The following ZFHX3 variants were observed in gnomAD, a reference collection of about 807,000 sequenced individuals.
ZFHX3 encodes the protein zinc finger homeobox 3.
Under a neutral mutation model 279.1 loss-of-function variants are expected in ZFHX3, and 42 were observed. That is an observed-to-expected ratio of 0.15 (90% CI 0.12 to 0.19). The LOEUF (loss-of-function observed/expected upper bound fraction) is 0.19, where lower values mean the gene tolerates loss of function less well. Ranked by LOEUF, ZFHX3 falls within the 10% of genes least tolerant of loss-of-function variation. The pLI is 1.00. For missense variants in ZFHX3, 4,981 were observed against 4,754.0 expected, an observed-to-expected ratio of 1.05 and a Z score of -1.40; for synonymous variants, 2,293 against 1,957.8, an observed-to-expected ratio of 1.17 and a Z score of -4.52.
chr16:73,528,494 G>A (rs1260607587), intron 2 of ZFHX3, among the ~76,000 whole-genome samples: 1 of 152,180 alleles, frequency 6.6e-6, no homozygotes, highest in Admixed American at 6.5e-5. Context: ...TGTCTTCAAG[G>A]AGTTTACAAT....
chr16:73,238,894 A>G (rs956031431), intron 5 of ZFHX3, among the ~76,000 whole-genome samples: 2 of 152,148 alleles, frequency 1.3e-5, no homozygotes, highest in Middle Eastern at 3.4e-3. Context: ...TCCCCTTTCA[A>G]GACTGTTCCA....
rs578090687 is a variant in ZFHX3 at position 73,704,515 on chromosome 16, C to T, written c.-1607-24275G>A. On this transcript the variant is annotated intron_variant, in intron 1 of 17. Transcript: ENST00000641206. Reference sequence around the variant, plus strand: ...AATTTCCAGCATGTTACCCAGACAGCCGCACTGTACTGCACATAAGACACT... The same window carrying T: ...AATTTCCAGCATGTTACCCAGACAGTCGCACTGTACTGCACATAAGACACT... Among the ~76,000 whole-genome samples, 4 of 152,336 alleles carry T rather than the reference C, an allele frequency of 2.6e-5. No homozygotes were observed. In the East Asian group the frequency reaches 7.7e-4, roughly 29 times the overall value.
At chr16:73,521,323 T>A (rs979128178) in intron 2 of ZFHX3, among the ~76,000 whole-genome samples, 2 of 152,212 alleles carry the variant, frequency 1.3e-5, no homozygotes, top group Non-Finnish European at 2.9e-5. Flanking sequence ...AGAATGGAGT[T>A]TGGCACATAA....
At chr16:73,781,784 T>G (rs373889975) in intron 1 of ZFHX3, among the ~76,000 whole-genome samples, 4 of 152,074 alleles carry the variant, frequency 2.6e-5, no homozygotes, top group Non-Finnish European at 4.4e-5. Flanking sequence ...GTCAGGAGTT[T>G]GAGACCAGCC....
chr16:73,198,762 C>A (rs1968207061), intron 5 of ZFHX3, among the ~76,000 whole-genome samples: 1 of 152,126 alleles, frequency 6.6e-6, no homozygotes, highest in Admixed American at 6.6e-5. Flanking sequence ...AGGGCAGAAA[C>A]AAAAGGGGAC....
At chr16:73,116,435 C>G (rs1882968367) in intron 7 of ZFHX3, among the ~76,000 whole-genome samples, 1 of 152,148 alleles carries the variant, frequency 6.6e-6, no homozygotes, top group African/African-American at 2.4e-5. Context: ...AACAAACACT[C>G]CCTACATTGT....
At chr16:73,730,435 C>T (rs1314931388) in intron 1 of ZFHX3, among the ~76,000 whole-genome samples, 1 of 150,824 alleles carries the variant, frequency 6.6e-6, no homozygotes, top group African/African-American at 2.4e-5. Flanking sequence ...AATCCTGTAT[C>T]TCTGTGGACA....
At chr16:72,883,929 T>TA (rs990393889) in intron 4 of ZFHX3, among the ~76,000 whole-genome samples, 21 of 151,840 alleles carry the variant, frequency 1.4e-4, no homozygotes, top group Admixed American at 5.9e-4. Context: ...GCTGATTTTA[T>TA]AAAAACAATA....
intron 1 of ZFHX3, among the ~76,000 whole-genome samples, chr16:73,004,633 T>C (rs1284773296): frequency 1.3e-5 from 2 of 152,114 alleles, no homozygotes; most frequent in Non-Finnish European, 2.9e-5. Context: ...TTTTAAGAGC[T>C]CTTTATATAT....
At chr16:73,465,916 G>A (rs1040518434) in intron 2 of ZFHX3, among the ~76,000 whole-genome samples, 2 of 152,090 alleles carry the variant, frequency 1.3e-5, no homozygotes, top group Admixed American at 6.6e-5. Flanking sequence ...GACAGGCTGC[G>A]AGGGACAACC....
chr16:73,440,965 G>C (rs1749599527), intron 3 of ZFHX3, among the ~76,000 whole-genome samples: 1 of 152,152 alleles, frequency 6.6e-6, no homozygotes, highest in Admixed American at 6.5e-5. Context: ...TAAGTTATTA[G>C]GGAAGAGAGA....
chr16:72,807,672 C>T (rs896324239), intron 7 of ZFHX3: 2 of 152,150 alleles, frequency 1.3e-5, no homozygotes, highest in Non-Finnish European at 2.9e-5. Context: ...TGGGACTGAA[C>T]CGAACTCAAG....
At chr16:73,667,330 C>G (rs935509237) in intron 2 of ZFHX3, among the ~76,000 whole-genome samples, 1 of 152,170 alleles carries the variant, frequency 6.6e-6, no homozygotes, top group Non-Finnish European at 1.5e-5. Context: ...TGAAGGACAC[C>G]TGGACGGTTT....
intron 3 of ZFHX3, among the ~76,000 whole-genome samples, chr16:73,337,542 T>C (rs555696128): frequency 6.6e-6 from 1 of 152,112 alleles, no homozygotes; most frequent in South Asian, 2.1e-4. Flanking sequence ...ATCGCAGCCA[T>C]TGATCACCTT....
rs556640673 is a variant in ZFHX3 at position 73,860,137 on chromosome 16, G to A, written c.-1608+31514C>T. Among the ~76,000 whole-genome samples the A allele has an allele frequency of 5.3e-5, 8 of 152,240 alleles. No individual in the cohort carries two copies. The South Asian group carries it at 1.5e-3, about 28-fold the overall frequency. On this transcript the variant is annotated intron_variant, in intron 1 of 17. Coordinates refer to the ZFHX3 transcript ENST00000641206. ...CATTCTGAAGCGAGACCATCCTGAC[G>A]TGCCCCTCCTCCACCTCCAAAAGCT...
At chr16:73,776,597 G>T (rs1414353072) in intron 1 of ZFHX3, among the ~76,000 whole-genome samples, 2 of 152,128 alleles carry the variant, frequency 1.3e-5, no homozygotes, top group South Asian at 2.1e-4. Context: ...AAATTAGAGG[G>T]GAAATCATAA....
At chr16:73,387,288 A>G (rs1056863554) in intron 3 of ZFHX3, 1 of 152,186 alleles carries the variant, frequency 6.6e-6, no homozygotes, top group Non-Finnish European at 1.5e-5. Context: ...CATTGTGGAA[A>G]TTTCACATTT....
At chr16:72,895,389 G>C (rs898195353) in intron 3 of ZFHX3, among the ~76,000 whole-genome samples, 1 of 152,176 alleles carries the variant, frequency 6.6e-6, no homozygotes, top group African/African-American at 2.4e-5. Flanking sequence ...CCAGTATCTT[G>C]AGGTCATCCT....
chr16:72,837,683 C>G (rs1020975373), intron 4 of ZFHX3, among the ~76,000 whole-genome samples: 7 of 151,814 alleles, frequency 4.6e-5, no homozygotes, highest in Non-Finnish European at 7.4e-5. Flanking sequence ...CCAGGCTGGT[C>G]TTGAACTCCT....
Sources: gnomAD v4.1 joint callset for allele counts (sites outside exome capture counted in the v4.1 genomes callset) on GRCh38, gnomAD v4.1.1 for gene constraint, MANE v1.5 for transcripts, NCBI Gene and HGNC (gene_info 2026-07-23, HGNC 2026-07-21) for gene names.